UVRAG: variants seen among roughly 807,000 people sequenced by gnomAD.
The protein encoded by UVRAG is UV radiation resistance associated.
In UVRAG, 19 loss-of-function variants were observed where a neutral mutation model predicts 78.0. The observed-to-expected ratio is 0.24, with a 90% CI of 0.17 to 0.36. The LOEUF (loss-of-function observed/expected upper bound fraction) is 0.36. Ranked by LOEUF, UVRAG falls within the 10% of genes least tolerant of loss-of-function variation. The pLI is 1.00. For missense variants in UVRAG, 740 were observed against 853.8 expected, an observed-to-expected ratio of 0.87 and a Z score of 1.66; for synonymous variants, 323 against 324.6, an observed-to-expected ratio of 1.00 and a Z score of 0.05.
chr11:75,986,629 C>T (rs936768083), intron 8 of UVRAG, among the ~76,000 whole-genome samples: 1 of 151,870 alleles, frequency 6.6e-6, no homozygotes, highest in Non-Finnish European at 1.5e-5. Flanking sequence ...GATATAATTC[C>T]CATACCATAT....
intron 1 of UVRAG, among the ~76,000 whole-genome samples, chr11:75,829,463 G>A (rs11236549): frequency 0.11 from 16,926 of 152,182 alleles, 1,047 homozygotes; most frequent in East Asian, 0.23. Context: ...GACCCATTTT[G>A]TTTGGCTTCT....
At chr11:75,818,984 C>G (rs1395893516) in intron 1 of UVRAG, among the ~76,000 whole-genome samples, 1 of 152,142 alleles carries the variant, frequency 6.6e-6, no homozygotes, top group Non-Finnish European at 1.5e-5. Flanking sequence ...CCAGTCCTGA[C>G]AATCAAAAAT....
intron 5 of UVRAG, among the ~76,000 whole-genome samples, chr11:75,904,022 G>C (rs1270950904): frequency 2.0e-5 from 3 of 152,110 alleles, no homozygotes; most frequent in Admixed American, 2.0e-4. Flanking sequence ...CTGTAGTCCA[G>C]CACATATTTT....
At chr11:75,997,801 C>A (rs182628924) in intron 8 of UVRAG, among the ~76,000 whole-genome samples, 115 of 152,250 alleles carry the variant, frequency 7.6e-4, no homozygotes, top group African/African-American at 2.3e-3. Flanking sequence ...TTGGAATTTG[C>A]CAGTATTGAG....
At position 75,917,460 on chromosome 11, in the gene UVRAG, A is replaced by G. The variant is rs75549915; in HGVS notation, c.593+5421A>G. Among the ~76,000 whole-genome samples the G allele has an allele frequency of 3.9e-5, 6 of 152,282 alleles. No individual in the cohort carries two copies. The East Asian group carries it at 9.6e-4, about 24-fold the overall frequency. On this transcript the variant is annotated intron_variant, in intron 6 of 14. Coordinates refer to ENST00000356136, the MANE Select transcript of UVRAG (RefSeq NM_003369.4). ...TGGAGTTCCTTTGGCTTGTGAGCTT[A>G]CTAGGACTCTTCTGTATTACTCTTT...
At position 76,005,010 on chromosome 11, in the gene UVRAG, T is replaced by C. The variant is rs149592778; in HGVS notation, c.911+921T>C. On this transcript the variant is annotated intron_variant, in intron 9 of 14. Transcript: ENST00000356136. The stretch of plus-strand genomic sequence containing the variant: ...CTTTTCCTGGAAAATCCATCCATCA[T>C]GCACTTTTCTTCAAAAAACTTTAGC... Among the ~76,000 whole-genome samples, 5 of 152,296 alleles carry C rather than the reference T, an allele frequency of 3.3e-5. No individual in the cohort carries two copies. In the East Asian group the frequency reaches 9.6e-4, roughly 29 times the overall value.
chr11:75,979,108 G>A (rs1272627947), intron 7 of UVRAG, among the ~76,000 whole-genome samples: 2 of 152,338 alleles, frequency 1.3e-5, no homozygotes, highest in East Asian at 3.9e-4. Flanking sequence ...AGGACCCTCA[G>A]CTGCAGGTCT....
At chr11:76,067,428 G>A (rs1951211909) in intron 13 of UVRAG, among the ~76,000 whole-genome samples, 1 of 152,212 alleles carries the variant, frequency 6.6e-6, no homozygotes, top group Non-Finnish European at 1.5e-5. Flanking sequence ...GTCATGCCAT[G>A]GAAAAGGCAG....
intron 7 of UVRAG, among the ~76,000 whole-genome samples, chr11:75,973,665 G>A (rs891607234): frequency 6.6e-6 from 1 of 151,992 alleles, no homozygotes; most frequent in Non-Finnish European, 1.5e-5. Context: ...CCATTAACTC[G>A]TCATTTACAT....
chr11:76,063,975 T>G (rs1276654124), intron 12 of UVRAG, among the ~76,000 whole-genome samples: 1 of 152,246 alleles, frequency 6.6e-6, no homozygotes, highest in Non-Finnish European at 1.5e-5. Context: ...GACCTAAGAA[T>G]TTGAAAGCAA....
chr11:76,065,844 G>T, intron 13 of UVRAG, 56 bp downstream of exon 13: 1 of 1,539,440 alleles, frequency 6.5e-7, no homozygotes, highest in East Asian at 2.3e-5. Flanking sequence ...TGTTTCCTTA[G>T]ATTGCCAGCC....
At chr11:75,828,805 A>ATATATATATATATATATATT (rs1478310271) in intron 1 of UVRAG, among the ~76,000 whole-genome samples, 1 of 100,276 alleles carries the variant, frequency 1.0e-5, no homozygotes, top group Non-Finnish European at 1.9e-5. Flanking sequence ...ATATATATAT[A>ATATATATATATATATATATT]TTTTTTTTTT....
intron 13 of UVRAG, among the ~76,000 whole-genome samples, chr11:76,093,422 G>A (rs896913032): frequency 6.6e-6 from 1 of 152,124 alleles, no homozygotes; most frequent in Non-Finnish European, 1.5e-5. Context: ...GATGGGGATG[G>A]CATTGAATCT....
chr11:75,893,400 A>G lies in UVRAG; in HGVS notation c.507+4497A>G, dbSNP rs532079453. 2.6e-5 allele frequency among the ~76,000 whole-genome samples: 4 copies of G among 151,990 alleles called. No individual in the cohort carries two copies. In the South Asian group the frequency reaches 6.2e-4, roughly 24 times the overall value. On this transcript the variant is annotated intron_variant, in intron 5 of 14. Coordinates refer to ENST00000356136, the MANE Select transcript of UVRAG (RefSeq NM_003369.4). ...CGAAAAGCTGAGTGGGGCTCTCCCT[A>G]TTAAAAAAAGGGCCGAGAAAAGACA...
chr11:75,930,448 G>A (rs186745365), intron 6 of UVRAG, among the ~76,000 whole-genome samples: 27 of 152,200 alleles, frequency 1.8e-4, no homozygotes, highest in East Asian at 9.7e-4. Context: ...TAAATATTGC[G>A]TTTTCAAGGC....
At chr11:76,013,165 A>AAAC (rs1176030462) in intron 11 of UVRAG, 1 of 152,182 alleles carries the variant, frequency 6.6e-6, no homozygotes, top group Non-Finnish European at 1.5e-5. Flanking sequence ...TTTGTCCAAC[A>AAAC]TATAAATCAA....
rs142078308 is a variant in UVRAG at position 76,012,773 on chromosome 11, A to T, written c.1060+3906A>T. On this transcript the variant is annotated intron_variant, in intron 11 of 14. Coordinates refer to ENST00000356136, the MANE Select transcript of UVRAG (RefSeq NM_003369.4). ...GTTCATCTGAGTTCCACTGACCGAGACATTTAGCTTAAAAAAAAAATGTTT... is the reference window on the plus strand; with the variant it reads ...GTTCATCTGAGTTCCACTGACCGAGTCATTTAGCTTAAAAAAAAAATGTTT... 4.4e-3 allele frequency among the ~76,000 whole-genome samples: 666 copies of T among 150,942 alleles called. 5 individuals carry two copies. Among genetic ancestry groups the T allele is most frequent in the African/African-American group, 0.016 (639 of 40,998 alleles).
At chr11:75,911,679 T>C (rs1313960368) in intron 5 of UVRAG, 2 of 269,346 alleles carry the variant, frequency 7.4e-6, no homozygotes, top group Non-Finnish European at 1.4e-5. Context: ...GCTGGCACTG[T>C]GGTGGGAGGG....
intron 12 of UVRAG, among the ~76,000 whole-genome samples, chr11:76,059,565 A>T (rs955883998): frequency 1.3e-5 from 2 of 152,192 alleles, no homozygotes; most frequent in African/African-American, 4.8e-5. Flanking sequence ...GTCGAGTGCT[A>T]TTGGCTTTTA....
Sources: gnomAD v4.1 joint callset for allele counts (sites outside exome capture counted in the v4.1 genomes callset) on GRCh38, gnomAD v4.1.1 for gene constraint, MANE v1.5 for transcripts, NCBI Gene and HGNC (gene_info 2026-07-23, HGNC 2026-07-21) for gene names.